Variants in SPOCK1 observed in about 807,000 individuals in gnomAD.
SPOCK1 encodes the protein testican-1.
Under a neutral mutation model 55.3 loss-of-function variants are expected in SPOCK1, and 23 were observed. The ratio of observed to expected loss-of-function variants is 0.42; its 90% CI spans 0.30 to 0.59. The LOEUF is 0.59. SPOCK1 is among the 20% of genes least tolerant of loss of function. SPOCK1 has a pLI of 0.22. For synonymous variants in SPOCK1, 226 were observed against 221.0 expected (o/e 1.02, Z -0.20); for missense variants, 499 against 552.5 (o/e 0.90, Z 0.97).
chr5:137,455,149 T>C (rs1753337002), intron 2 of SPOCK1, among the ~76,000 whole-genome samples: 1 of 152,200 alleles, frequency 6.6e-6, no homozygotes, highest in Non-Finnish European at 1.5e-5. Context: ...ACTTTGTACC[T>C]TACACAAGAG....
chr5:137,312,570 T>A (rs1757807497), intron 2 of SPOCK1, among the ~76,000 whole-genome samples: 1 of 152,150 alleles, frequency 6.6e-6, no homozygotes, highest in Non-Finnish European at 1.5e-5. Context: ...GATGCTGGGT[T>A]ACGAATTATA....
In SPOCK1 at chr5:137,285,335, A is replaced by G. The variant is rs569834772; in HGVS notation, c.187-18280T>C. On this transcript the variant is annotated intron_variant, in intron 2 of 10. Transcript: ENST00000394945. ...CACAGCAGCACAGATCTTTTGTGTT[A>G]TTAACATTGTCTCTCTGCTCTTTAG... Among the ~76,000 whole-genome samples, 4 of 152,322 alleles carry G rather than the reference A, an allele frequency of 2.6e-5. No individual in the cohort carries two copies. In the South Asian group the frequency reaches 8.3e-4, roughly 32 times the overall value.
At chr5:137,296,773 T>C (rs772672878) in intron 2 of SPOCK1, among the ~76,000 whole-genome samples, 2 of 152,148 alleles carry the variant, frequency 1.3e-5, no homozygotes, top group Non-Finnish European at 2.9e-5. Flanking sequence ...CTATGCAGAA[T>C]CTTGACACAG....
At position 137,341,969 on chromosome 5, in the gene SPOCK1, C is replaced by T. The variant is rs948667292; in HGVS notation, c.187-74914G>A. Among the ~76,000 whole-genome samples the T allele has an allele frequency of 3.3e-5, 5 of 152,220 alleles. No homozygotes were observed. The South Asian group carries it at 1.0e-3, about 32-fold the overall frequency. ...TTCTCTACTGCAGGACTTCTCTGATCCTTTACCATGTGACTGTGCTCGGTG... is the reference window on the plus strand; with the variant it reads ...TTCTCTACTGCAGGACTTCTCTGATTCTTTACCATGTGACTGTGCTCGGTG... On this transcript the variant is annotated intron_variant, in intron 2 of 10. Transcript: ENST00000394945.
intron 2 of SPOCK1, among the ~76,000 whole-genome samples, chr5:137,428,659 C>T (rs561818744): frequency 6.6e-6 from 1 of 152,278 alleles, no homozygotes; most frequent in African/African-American, 2.4e-5. Flanking sequence ...TTAAGTTCTC[C>T]CTCAATGTCC....
intron 3 of SPOCK1, among the ~76,000 whole-genome samples, chr5:137,163,038 C>T (rs929880889): frequency 1.3e-5 from 2 of 152,168 alleles, no homozygotes; most frequent in Admixed American, 1.3e-4. Flanking sequence ...GAACTCTGGC[C>T]TCATACCCCT....
intron 3 of SPOCK1, among the ~76,000 whole-genome samples, chr5:137,207,259 A>C (rs568601154): frequency 6.6e-6 from 1 of 152,370 alleles, no homozygotes; most frequent in Admixed American, 6.5e-5. Context: ...CCAGCTGCCC[A>C]GAATGAGCAC....
chr5:137,312,884 G>A (rs926761093), intron 2 of SPOCK1, among the ~76,000 whole-genome samples: 9 of 152,154 alleles, frequency 5.9e-5, no homozygotes, highest in African/African-American at 2.2e-4. Context: ...AAGACTAAAT[G>A]CTACTGGAGG....
In SPOCK1 at chr5:136,980,826, A is replaced by AT. The variant is rs1027015922; in HGVS notation, c.992-1358dup. Among the ~76,000 whole-genome samples, 22 of 152,084 alleles carry AT rather than the reference A, an allele frequency of 1.4e-4. 1 individual carries two copies. Among genetic ancestry groups the AT allele is most frequent in the African/African-American group, 4.6e-4 (19 of 41,402 alleles). On this transcript the variant is annotated intron_variant, in intron 9 of 10. Transcript: ENST00000394945. ...AAAATGATTCAGATATGCTCTAGAG[A>AT]TTTTTTTATAAAATGAGAATCTCTT...
chr5:137,337,510 G>A (rs1017888754), intron 2 of SPOCK1, among the ~76,000 whole-genome samples: 3 of 152,180 alleles, frequency 2.0e-5, no homozygotes, highest in African/African-American at 7.2e-5. Flanking sequence ...GTCTACTGAA[G>A]CTGTGGTCTA....
intron 2 of SPOCK1, among the ~76,000 whole-genome samples, chr5:137,353,104 G>T (rs1750717151): frequency 6.6e-6 from 1 of 152,196 alleles, no homozygotes; most frequent in Non-Finnish European, 1.5e-5. Flanking sequence ...CAGGAGCCAG[G>T]TGTGGTGGCT....
intron 3 of SPOCK1, among the ~76,000 whole-genome samples, chr5:137,150,489 G>C (rs1465030581): frequency 2.0e-5 from 3 of 152,166 alleles, no homozygotes; most frequent in Non-Finnish European, 4.4e-5. Context: ...CTATTGAAGA[G>C]TCACAGAGCT....
chr5:137,174,459 C>T (rs140812080), intron 3 of SPOCK1, among the ~76,000 whole-genome samples: 52 of 152,326 alleles, frequency 3.4e-4, no homozygotes, highest in African/African-American at 1.2e-3. Context: ...TTCATACATG[C>T]CCTAATTTCC....
At chr5:137,270,792 C>G (rs1394783359) in intron 2 of SPOCK1, among the ~76,000 whole-genome samples, 1 of 152,118 alleles carries the variant, frequency 6.6e-6, no homozygotes, top group African/African-American at 2.4e-5. Context: ...CACCTGACGT[C>G]AGGAGTTTGT....
intron 2 of SPOCK1, among the ~76,000 whole-genome samples, chr5:137,319,529 G>C (rs1017007494): frequency 3.2e-4 from 48 of 152,160 alleles, no homozygotes; most frequent in Non-Finnish European, 4.7e-4. Flanking sequence ...TTTCAGTAGA[G>C]TGATGCTAGG....
intron 4 of SPOCK1, among the ~76,000 whole-genome samples, chr5:137,127,264 A>C (rs968958557): frequency 1.3e-5 from 2 of 152,262 alleles, no homozygotes; most frequent in Non-Finnish European, 2.9e-5. Flanking sequence ...CAAGAGCCAC[A>C]GTGAGTACTA....
intron 3 of SPOCK1, among the ~76,000 whole-genome samples, chr5:137,165,264 C>T (rs1754625806): frequency 6.6e-6 from 1 of 152,176 alleles, no homozygotes; most frequent in African/African-American, 2.4e-5. Flanking sequence ...GGAAAGAGAC[C>T]AAGAGTCTCT....
In SPOCK1 at chr5:137,300,916, A is replaced by G. The variant is rs1157326602; in HGVS notation, c.187-33861T>C. Among the ~76,000 whole-genome samples the G allele has an allele frequency of 3.3e-5, 5 of 152,182 alleles. No homozygotes were observed. The East Asian group carries it at 9.6e-4, about 29-fold the overall frequency. On this transcript the variant is annotated intron_variant, in intron 2 of 10. Coordinates refer to ENST00000394945, the MANE Select transcript of SPOCK1 (RefSeq NM_004598.4). ...GTACCAAGTGCAGCTCTCTTCTCACAAGGGTCCATTCCCTCCCAGGTTCTG... is the reference window on the plus strand; with the variant it reads ...GTACCAAGTGCAGCTCTCTTCTCACGAGGGTCCATTCCCTCCCAGGTTCTG...
intron 3 of SPOCK1, among the ~76,000 whole-genome samples, chr5:137,148,955 A>G (rs1039004312): frequency 3.3e-5 from 5 of 152,202 alleles, no homozygotes; most frequent in African/African-American, 1.2e-4. Context: ...CCCAAGATTC[A>G]TGTTACCCAG....
Sources: gnomAD v4.1 joint callset for allele counts (sites outside exome capture counted in the v4.1 genomes callset) on GRCh38, gnomAD v4.1.1 for gene constraint, MANE v1.5 for transcripts, NCBI Gene and HGNC (gene_info 2026-07-23, HGNC 2026-07-21) for gene names.